WIPF1: variants seen among roughly 807,000 people sequenced by gnomAD.
WIPF1 encodes WAS/WASL interacting protein family member 1.
In WIPF1, 13 loss-of-function variants were observed where a neutral mutation model predicts 35.4. That is an observed-to-expected ratio of 0.37 (90% CI 0.24 to 0.58). WIPF1 has a LOEUF of 0.58. WIPF1 is among the 20% of genes least tolerant of loss of function. The pLI is 0.74. For synonymous variants in WIPF1, 267 were observed against 266.3 expected (o/e 1.00, Z -0.02); for missense variants, 591 against 667.0 (o/e 0.89, Z 1.25).
At chr2:174,654,752 G>A (rs76190814) in intron 1 of WIPF1, among the ~76,000 whole-genome samples, 1,725 of 151,394 alleles carry the variant, frequency 0.011, 33 homozygotes, top group African/African-American at 0.039. Flanking sequence ...TCACCTTTGC[G>A]CTTCTCAACC....
chr2:174,631,686 T>A (rs2105933081), intron 1 of WIPF1, among the ~76,000 whole-genome samples: 1 of 152,336 alleles, frequency 6.6e-6, no homozygotes, highest in African/African-American at 2.4e-5. Flanking sequence ...AATAATACCT[T>A]ACAAATGTCC....
chr2:174,659,817 A>C (rs566150266), intron 1 of WIPF1, among the ~76,000 whole-genome samples: 59 of 152,320 alleles, frequency 3.9e-4, no homozygotes, highest in Non-Finnish European at 7.1e-4. Flanking sequence ...AGTAAGTTTA[A>C]CTTTCCTATA....
In WIPF1 at chr2:174,622,280, A is replaced by G. The variant is rs1352840167; in HGVS notation, c.-38-36669T>C. On this transcript the variant is annotated intron_variant, in intron 1 of 8. Transcript: ENST00000272746. The surrounding 1 kb of genome is among the most constrained non-coding windows in gnomAD (Gnocchi z 5.1). ...TTTGTCATGCCTGCATACCACCAAA[A>G]CTATATGATTTGTTTAATATTTTTA... Among the ~76,000 whole-genome samples, 1 of 152,152 alleles carries G rather than the reference A, an allele frequency of 6.6e-6. No homozygotes were observed. The highest frequency in any genetic ancestry group is 1.5e-5 in the Non-Finnish European group (1 of 68,036).
chr2:174,628,347 A>C (rs1445785332), intron 1 of WIPF1, among the ~76,000 whole-genome samples: 1 of 152,110 alleles, frequency 6.6e-6, no homozygotes, highest in African/African-American at 2.4e-5. Context: ...CACAACAGAC[A>C]CTTCACAAAA....
intron 1 of WIPF1, among the ~76,000 whole-genome samples, chr2:174,662,587 A>G (rs1042561246): frequency 6.6e-6 from 1 of 152,262 alleles, no homozygotes; most frequent in Non-Finnish European, 1.5e-5. Flanking sequence ...TAGGGTGGCC[A>G]GACACGTGAG....
At chr2:174,664,375 T>C (rs1465064882) in intron 1 of WIPF1, among the ~76,000 whole-genome samples, 1 of 152,192 alleles carries the variant, frequency 6.6e-6, no homozygotes, top group Non-Finnish European at 1.5e-5. Flanking sequence ...GCCCCCTTAG[T>C]GCTGGGTTAG....
intron 1 of WIPF1, among the ~76,000 whole-genome samples, chr2:174,596,096 T>G (rs1300959937): frequency 6.6e-6 from 1 of 152,178 alleles, no homozygotes; most frequent in Non-Finnish European, 1.5e-5. Flanking sequence ...GATCTGAAGT[T>G]GCTGCTCGAT....
intron 1 of WIPF1, among the ~76,000 whole-genome samples, chr2:174,675,942 A>ATTTTTT (rs1688120278): frequency 8.1e-6 from 1 of 123,272 alleles, no homozygotes; most frequent in Non-Finnish European, 1.7e-5. Context: ...TTTTGCTTTC[A>ATTTTTT]TTTTATTTAT....
At chr2:174,618,925 T>C (rs541351695) in intron 1 of WIPF1, among the ~76,000 whole-genome samples, 1 of 152,202 alleles carries the variant, frequency 6.6e-6, no homozygotes, top group African/African-American at 2.4e-5. Flanking sequence ...GCTCCACTCA[T>C]TATGAATCTT....
chr2:174,665,353 C>T (rs1444539451), intron 1 of WIPF1: 1 of 152,258 alleles, frequency 6.6e-6, no homozygotes, highest in African/African-American at 2.4e-5. Context: ...AGAATTAAGA[C>T]TTGGCCTCCT....
At chr2:174,633,159 G>C (rs1469147080) in intron 1 of WIPF1, among the ~76,000 whole-genome samples, 1 of 152,114 alleles carries the variant, frequency 6.6e-6, no homozygotes, top group Non-Finnish European at 1.5e-5. Context: ...CTTATTCTCT[G>C]TCAGCTTTGT....
In WIPF1 at chr2:174,571,913, G is replaced by A; in HGVS notation, c.892C>T (p.Pro298Ser). The A allele has an allele frequency of 6.2e-7, 1 of 1,609,614 alleles. No homozygotes were observed. The highest frequency in any genetic ancestry group is 1.3e-5 in the African/African-American group (1 of 74,936). ...GCCTGTGAGGAGGCCGAAGGCCGCG[G>A]AGTGGAAGGCACTGGAGGCTTGTTG... ...QNNKPPVPST[P>S]RPSASSQAPP... The change falls in exon 5 of 8, where the codon CCG becomes TCG. Residue 298 changes from proline (P) to serine (S), a missense_variant. This residue lies in a region of WIPF1 where 471 missense variants were observed against 501.1 expected (regional missense o/e 0.94). Transcript: ENST00000679041. This position sits in a 1 kb window ranked among gnomAD's most constrained non-coding sequence, Gnocchi z 4.6.
intron 1 of WIPF1, chr2:174,625,594 G>T (rs1416835592): frequency 6.6e-6 from 1 of 152,078 alleles, no homozygotes; most frequent in African/African-American, 2.4e-5. Flanking sequence ...GCTGGTGGAG[G>T]GTCCAATGAG....
chr2:174,575,209 T>C lies in WIPF1; in HGVS notation c.353A>G (p.Asp118Gly). The C allele has an allele frequency of 1.2e-6, 2 of 1,609,788 alleles. No homozygotes were observed. Among genetic ancestry groups the C allele is most frequent in the Non-Finnish European group, 1.7e-6 (2 of 1,177,356 alleles). The change falls in exon 4 of 8, where the codon GAT becomes GGT. Residue 118 changes from aspartate to glycine, a missense_variant. Asp to Gly is a moderately conservative substitution (Grantham distance 94, BLOSUM62 -1). Around this residue, in one of 3 missense-constraint regions of WIPF1, gnomAD observed 471 missense variants for 501.1 expected, o/e 0.94. Coordinates refer to ENST00000679041, the MANE Select transcript of WIPF1 (RefSeq NM_001375834.1). ...GACAGGGAAACTCTCCTTACCATTA[T>C]CCCTGTTGGCCGTGGATCTCAGCTT... ...MPKLRSTANR[D>G]NDSGGSRPPL...
At position 174,594,890 on chromosome 2, in the gene WIPF1, T is replaced by C. The variant is rs1442047548; in HGVS notation, c.-39+2711A>G. 3.4e-4 allele frequency among the ~76,000 whole-genome samples: 52 copies of C among 151,600 alleles called. 1 individual carries two copies. The highest frequency in any genetic ancestry group is 3.4e-3 in the Admixed American group (52 of 15,172). ...GATTGTTAGTTTTAAAGATATTTAC[T>C]GTTGCTGTGACATTTAAAGCAAAAC... On this transcript the variant is annotated intron_variant, in intron 1 of 7. Transcript: ENST00000679041.
At position 174,592,809 on chromosome 2, in the gene WIPF1, T is replaced by C. The variant is rs565688774; in HGVS notation, c.-39+4792A>G. Reference sequence around the variant, plus strand: ...TTGGTAGAGATGGGGTTTCACCATGTTGGCCAGGCTGGTCTTGAACTCCTG... The same window carrying C: ...TTGGTAGAGATGGGGTTTCACCATGCTGGCCAGGCTGGTCTTGAACTCCTG... On this transcript the variant is annotated intron_variant, in intron 1 of 7. Transcript: ENST00000679041. Among the ~76,000 whole-genome samples the C allele has an allele frequency of 2.6e-4, 39 of 152,236 alleles. No homozygotes were observed. In the East Asian group the frequency reaches 7.1e-3, roughly 28 times the overall value.
At chr2:174,633,459 C>T (rs1687088857) in intron 1 of WIPF1, among the ~76,000 whole-genome samples, 1 of 152,200 alleles carries the variant, frequency 6.6e-6, no homozygotes, top group African/African-American at 2.4e-5. Context: ...TCAAAGATGC[C>T]GTCTAGTATG....
intron 1 of WIPF1, among the ~76,000 whole-genome samples, chr2:174,611,947 A>G (rs1262592581): frequency 6.6e-6 from 1 of 152,166 alleles, no homozygotes; most frequent in Admixed American, 6.5e-5. Context: ...CCCAGGCCAG[A>G]GTGCAGTGGC....
chr2:174,590,932 G>C lies in WIPF1; in HGVS notation c.-38-5321C>G, dbSNP rs185895938. Reference sequence around the variant, plus strand: ...CTTTTGTTTTCACATACAGTATTACGGTCTGAACTATGTCCCCTGCAAAAG... The same window carrying C: ...CTTTTGTTTTCACATACAGTATTACCGTCTGAACTATGTCCCCTGCAAAAG... On this transcript the variant is annotated intron_variant, in intron 1 of 7. Coordinates refer to ENST00000679041, the MANE Select transcript of WIPF1 (RefSeq NM_001375834.1). This position sits in a 1 kb window ranked among gnomAD's most constrained non-coding sequence, Gnocchi z 4.6. 2.0e-5 allele frequency among the ~76,000 whole-genome samples: 3 copies of C among 152,096 alleles called. No individual in the cohort carries two copies. The highest frequency in any genetic ancestry group is 7.2e-5 in the African/African-American group (3 of 41,402).
Sources: allele counts gnomAD v4.1 joint callset (sites outside exome capture counted in the v4.1 genomes callset), GRCh38; gene constraint gnomAD v4.1.1; regional missense constraint gnomAD v4.1.1; non-coding constraint Gnocchi (gnomAD v3.1); transcripts MANE v1.5; gene names NCBI Gene and HGNC (gene_info 2026-07-23, HGNC 2026-07-21).